The following NR6A1 variants were observed in gnomAD, a reference collection of about 807,000 sequenced individuals.
NR6A1 encodes the protein nuclear receptor subfamily 6 group A member 1, also known as retinoic acid receptor-related testis-associated receptor.
NR6A1 carries 7 observed loss-of-function variants against 59.1 expected under a neutral mutation model. That is an observed-to-expected ratio of 0.12 (90% CI 0.07 to 0.22). The LOEUF is 0.22. Ranked by LOEUF, NR6A1 falls within the 10% of genes least tolerant of loss-of-function variation. The pLI, the probability that NR6A1 is intolerant of heterozygous loss-of-function variation, is 1.00. For missense variants in NR6A1, 468 were observed against 611.6 expected (o/e 0.77, Z 2.48); for synonymous variants, 243 against 236.1 (o/e 1.03, Z -0.27).
rs1417196556 is a variant in NR6A1 at position 124,519,558 on chromosome 9, G to A, written c.*3147C>T. 2 of 152,078 alleles carry A rather than the reference G, an allele frequency of 1.3e-5. No homozygotes were observed. The highest frequency in any genetic ancestry group is 2.9e-5 in the Non-Finnish European group (2 of 68,024). The allele number at this position is 152,078 out of a possible 1,614,324, so 9.4% of individuals were successfully genotyped here. On this transcript the variant is annotated 3_prime_UTR_variant, in exon 10 of 10. Coordinates refer to ENST00000487099, the MANE Select transcript of NR6A1 (RefSeq NM_033334.4). Reference sequence around the variant, plus strand: ...TGTTTCAATGTAGTGCAAGGAGGTGGGATTCTCCTTTTCCATGTAGCTTTC... The same window carrying A: ...TGTTTCAATGTAGTGCAAGGAGGTGAGATTCTCCTTTTCCATGTAGCTTTC...
intron 1 of NR6A1, among the ~76,000 whole-genome samples, chr9:124,744,554 G>A (rs1840269310): frequency 6.6e-6 from 1 of 152,164 alleles, no homozygotes; most frequent in Non-Finnish European, 1.5e-5. Context: ...CCGGATGGAT[G>A]GGAACTTAGC....
At chr9:124,732,700 T>TC (rs1410998919) in intron 2 of NR6A1, among the ~76,000 whole-genome samples, 1 of 151,566 alleles carries the variant, frequency 6.6e-6, no homozygotes, top group Non-Finnish European at 1.5e-5. Flanking sequence ...AGTACGAATT[T>TC]TTTTTTTTTT....
At chr9:124,657,319 G>A (rs759705644) in intron 2 of NR6A1, among the ~76,000 whole-genome samples, 1 of 151,888 alleles carries the variant, frequency 6.6e-6, no homozygotes, top group Non-Finnish European at 1.5e-5. Context: ...AGAGACAGAT[G>A]GAATTATTTC....
At position 124,620,730 on chromosome 9, in the gene NR6A1, T is replaced by C. The variant is rs542400970; in HGVS notation, c.143-66160A>G. Among the ~76,000 whole-genome samples the C allele has an allele frequency of 1.2e-4, 19 of 152,246 alleles. No homozygotes were observed. The South Asian group carries it at 2.9e-3, about 23-fold the overall frequency. On this transcript the variant is annotated intron_variant, in intron 2 of 9. Coordinates refer to ENST00000487099, the MANE Select transcript of NR6A1 (RefSeq NM_033334.4). ...TTCTAAAACTGATTTGTGGTAATGG[T>C]TGCAAAACTTGGTAAATATACCAAA...
In NR6A1 at chr9:124,749,339, G is replaced by A. The variant is rs570178282; in HGVS notation, c.101-15990C>T. 2.0e-4 allele frequency among the ~76,000 whole-genome samples: 30 copies of A among 151,190 alleles called. No homozygotes were observed. The South Asian group carries it at 2.9e-3, about 15-fold the overall frequency. The stretch of plus-strand genomic sequence containing the variant: ...CACAAATATAAACAGACTCAGAAAA[G>A]ACTTCTTAATTTAAAAAATCTAAAC... On this transcript the variant is annotated intron_variant, in intron 1 of 9. Coordinates refer to ENST00000487099, the MANE Select transcript of NR6A1 (RefSeq NM_033334.4).
In NR6A1 at chr9:124,518,052, G is replaced by A. The variant is rs1832726453; in HGVS notation, c.*4653C>T. The A allele has an allele frequency of 6.6e-6, 1 of 151,206 alleles. No individual in the cohort carries two copies. The highest frequency in any genetic ancestry group is 2.4e-5 in the African/African-American group (1 of 41,056). 9.4% of individuals were successfully genotyped at this position (151,206 alleles called of 1,614,324 possible). On this transcript the variant is annotated 3_prime_UTR_variant, in exon 10 of 10. Transcript: ENST00000487099. ...AAAACAATGGTCATTAAAGGGCAAA[G>A]ACGGCAGGGCTAGATCTGGGGGACT...
At chr9:124,610,860 T>G (rs1460896711) in intron 2 of NR6A1, among the ~76,000 whole-genome samples, 1 of 152,208 alleles carries the variant, frequency 6.6e-6, no homozygotes, top group East Asian at 1.9e-4. Flanking sequence ...TTTATCCATT[T>G]CTAGATTTTC....
At chr9:124,760,219 G>A (rs746414274) in intron 1 of NR6A1, among the ~76,000 whole-genome samples, 25 of 151,950 alleles carry the variant, frequency 1.6e-4, no homozygotes, top group Admixed American at 1.0e-3. Context: ...GGCTGAAGCA[G>A]GAGAATCACT....
chr9:124,525,322 C>CACACACACAG (rs3223288), intron 8 of NR6A1, among the ~76,000 whole-genome samples: 2 of 150,378 alleles, frequency 1.3e-5, no homozygotes, highest in African/African-American at 2.5e-5. Context: ...CACACACACA[C>CACACACACAG]AGCACCCTCC....
At chr9:124,523,560 C>T (rs1002187505) in intron 9 of NR6A1, among the ~76,000 whole-genome samples, 11 of 151,728 alleles carry the variant, frequency 7.2e-5, no homozygotes, top group Middle Eastern at 6.8e-3. Flanking sequence ...TTGGAAGTGC[C>T]GCCAAGGCTG....
chr9:124,549,743 T>C (rs1318081692), intron 3 of NR6A1, among the ~76,000 whole-genome samples: 1 of 152,294 alleles, frequency 6.6e-6, no homozygotes, highest in Middle Eastern at 3.4e-3. Context: ...GCAAAAATAG[T>C]ATGGAGAGTT....
At position 124,712,923 on chromosome 9, in the gene NR6A1, T is replaced by TA. The variant is rs543028945; in HGVS notation, c.142+20384dup. Among the ~76,000 whole-genome samples the TA allele has an allele frequency of 7.4e-4, 112 of 152,084 alleles. 1 individual carries two copies. In the South Asian group the frequency reaches 0.018, roughly 25 times the overall value. On this transcript the variant is annotated intron_variant, in intron 2 of 9. Transcript: ENST00000487099. Reference sequence around the variant, plus strand: ...AATCTGAAAACAACACCACTCATGATAAAAAAAACTCTTAGCAAACTAGCA... The same window carrying TA: ...AATCTGAAAACAACACCACTCATGATAAAAAAAAACTCTTAGCAAACTAGCA...
chr9:124,660,040 G>T (rs1837381616), intron 2 of NR6A1, among the ~76,000 whole-genome samples: 2 of 152,300 alleles, frequency 1.3e-5, no homozygotes, highest in Admixed American at 1.3e-4. Context: ...CCCTTCATGG[G>T]TTGGAAAGTA....
intron 4 of NR6A1, among the ~76,000 whole-genome samples, chr9:124,541,824 T>C (rs1833456733): frequency 6.6e-6 from 1 of 152,178 alleles, no homozygotes; most frequent in Non-Finnish European, 1.5e-5. Context: ...ATGTGATATA[T>C]ACATAAAACA....
intron 2 of NR6A1, among the ~76,000 whole-genome samples, chr9:124,703,130 C>A (rs1362338245): frequency 6.6e-6 from 1 of 151,986 alleles, no homozygotes; most frequent in Admixed American, 6.6e-5. Context: ...GTCTCGAACT[C>A]CTGACCTCAA....
At chr9:124,710,793 C>T (rs963044222) in intron 2 of NR6A1, among the ~76,000 whole-genome samples, 4 of 152,120 alleles carry the variant, frequency 2.6e-5, no homozygotes, top group South Asian at 2.1e-4. Flanking sequence ...CAATTGCACA[C>T]GTAAGATCAG....
At chr9:124,559,831 T>C (rs1052672268) in intron 2 of NR6A1, among the ~76,000 whole-genome samples, 14 of 152,170 alleles carry the variant, frequency 9.2e-5, no homozygotes, top group African/African-American at 3.4e-4. Flanking sequence ...TTTTTCCTTC[T>C]CATTTCTTAG....
intron 2 of NR6A1, among the ~76,000 whole-genome samples, chr9:124,565,024 C>T (rs1049259406): frequency 3.3e-5 from 5 of 151,884 alleles, no homozygotes; most frequent in African/African-American, 1.2e-4. Flanking sequence ...AAAATGAAAC[C>T]CAATTCTACT....
intron 2 of NR6A1, among the ~76,000 whole-genome samples, chr9:124,666,561 G>A (rs1305672668): frequency 1.3e-5 from 2 of 152,160 alleles, no homozygotes; most frequent in Non-Finnish European, 2.9e-5. Context: ...TTACAAGCAT[G>A]AGCAACCATG....
Sources: gnomAD v4.1 joint callset for allele counts (sites outside exome capture counted in the v4.1 genomes callset) on GRCh38, gnomAD v4.1.1 for gene constraint, MANE v1.5 for transcripts, NCBI Gene and HGNC (gene_info 2026-07-23, HGNC 2026-07-21) for gene names.